Variants in LRIT3 observed in about 807,000 individuals in gnomAD.
LRIT3 encodes leucine-rich repeat, immunoglobulin-like domain and transmembrane domain-containing protein 3.
Under a neutral mutation model 22.6 loss-of-function variants are expected in LRIT3, and 14 were observed. The ratio of observed to expected loss-of-function variants is 0.62; its 90% confidence interval spans 0.41 to 0.97. LRIT3 has a LOEUF of 0.97. Among genes scored for constraint, LRIT3 ranks in the 50% least tolerant of loss-of-function variants. The probability of loss-of-function intolerance (pLI) is 0.00; values close to 1 mark genes in which losing one functional copy is unlikely to be tolerated. For synonymous variants in LRIT3, 306 were observed against 304.5 expected (o/e 1.01, Z -0.05); for missense variants, 783 against 803.0 (o/e 0.98, Z 0.30).
intron 2 of LRIT3, among the ~76,000 whole-genome samples, chr4:109,857,458 G>A (rs1211046627): frequency 6.6e-6 from 1 of 152,138 alleles, no homozygotes; most frequent in Non-Finnish European, 1.5e-5. Flanking sequence ...AGGTGACAAG[G>A]TGGATTTACT....
At chr4:109,865,851 G>A (rs535555025) in intron 2 of LRIT3, among the ~76,000 whole-genome samples, 303 of 152,212 alleles carry the variant, frequency 2.0e-3, no homozygotes, top group Non-Finnish European at 3.4e-3. Context: ...CAGCCCAGAC[G>A]TTAGGTTCCA....
At chr4:109,848,342 G>A (rs1734127952) in intron 1 of LRIT3, 25 bp downstream of exon 1, 1 of 1,177,742 alleles carries the variant, frequency 8.5e-7, no homozygotes, top group East Asian at 3.2e-5. Context: ...TTGTTACTAA[G>A]TGTTCTCATT....
chr4:109,854,804 C>T (rs1191170079), intron 2 of LRIT3, among the ~76,000 whole-genome samples: 1 of 152,146 alleles, frequency 6.6e-6, no homozygotes, highest in East Asian at 1.9e-4. Flanking sequence ...TTATAGAAGG[C>T]CTTTTCTGCG....
chr4:109,849,944 A>G (rs988997946), intron 1 of LRIT3, among the ~76,000 whole-genome samples: 2 of 152,242 alleles, frequency 1.3e-5, no homozygotes, highest in African/African-American at 4.8e-5. Context: ...AACTGCTACC[A>G]TTCTGGTATA....
At position 109,870,004 on chromosome 4, in the gene LRIT3, A is replaced by G. The variant is rs1262515075; in HGVS notation, c.1255A>G (p.Thr419Ala). Reference protein sequence around the residue: ...SFSLSPFSSSTVSSTTTLSTS... With the variant: ...SFSLSPFSSSAVSSTTTLSTS... ...CTCTTTATCTCCTTTCTCCTCCTCCACTGTTTCTTCAACCACAACTCTGAG... is the reference window on the plus strand; with the variant it reads ...CTCTTTATCTCCTTTCTCCTCCTCCGCTGTTTCTTCAACCACAACTCTGAG... The change falls in exon 4 of 4, where the codon ACT (threonine) becomes GCT (alanine). Residue 419 changes from threonine to alanine, a missense_variant. Transcript: ENST00000594814. The G allele has an allele frequency of 6.2e-7, 1 of 1,613,484 alleles. No individual in the cohort carries two copies. The highest frequency in any genetic ancestry group is 1.1e-5 in the South Asian group (1 of 91,054).
intron 2 of LRIT3, among the ~76,000 whole-genome samples, chr4:109,858,848 A>G (rs1734466784): frequency 6.6e-6 from 1 of 152,196 alleles, no homozygotes; most frequent in Non-Finnish European, 1.5e-5. Flanking sequence ...TATGTTTAAT[A>G]TGCCACTGAT....
chr4:109,864,514 G>A (rs1285795751), intron 2 of LRIT3, among the ~76,000 whole-genome samples: 3 of 152,172 alleles, frequency 2.0e-5, no homozygotes, highest in Non-Finnish European at 2.9e-5. Context: ...CCAACTGATA[G>A]CAACATTTTT....
chr4:109,850,756 C>T (rs1243058645), intron 1 of LRIT3, among the ~76,000 whole-genome samples: 1 of 151,954 alleles, frequency 6.6e-6, no homozygotes, highest in Non-Finnish European at 1.5e-5. Context: ...GGATTACAGC[C>T]ATGAGCCACA....
At chr4:109,853,216 C>T (rs1479666704) in intron 2 of LRIT3, among the ~76,000 whole-genome samples, 2 of 152,144 alleles carry the variant, frequency 1.3e-5, no homozygotes, top group Non-Finnish European at 2.9e-5. Flanking sequence ...AAAAACGTTC[C>T]TATTTCTCCA....
Position 109,870,979 on chromosome 4 carries a change from C to A in LRIT3, c.*190C>A. 1 of 503,942 alleles carries A rather than the reference C, an allele frequency of 2.0e-6. No homozygotes were observed. The highest frequency in any genetic ancestry group is 3.2e-6 in the Non-Finnish European group (1 of 310,422). The allele number at this position is 503,942 out of a possible 1,614,324, so 31.2% of individuals were successfully genotyped here. ...AAGACAAATAATGTTGATTTTTTTT[C>A]TTGTGTGGAAAAGGTCTACAGAAAT... On this transcript the variant is annotated 3_prime_UTR_variant, in exon 4 of 4. Transcript: ENST00000594814.
At chr4:109,859,638 C>T (rs984161902) in intron 2 of LRIT3, among the ~76,000 whole-genome samples, 2 of 152,142 alleles carry the variant, frequency 1.3e-5, no homozygotes, top group African/African-American at 4.8e-5. Context: ...CTATCTTATG[C>T]ATATGGACAG....
intron 2 of LRIT3, among the ~76,000 whole-genome samples, chr4:109,857,782 G>T (rs1734438662): frequency 6.6e-6 from 1 of 152,170 alleles, no homozygotes; most frequent in Non-Finnish European, 1.5e-5. Flanking sequence ...AAATAACACA[G>T]TTCCTTCTGA....
At position 109,848,321 on chromosome 4, in the gene LRIT3, T is replaced by C. The variant is rs1560588142; in HGVS notation, c.116+4T>C. On this transcript the variant is annotated splice_donor_region_variant and intron_variant, in intron 1 of 3. Coordinates refer to ENST00000594814, the MANE Select transcript of LRIT3 (RefSeq NM_198506.5). ...GAAATGACGGCTCAGGATCAAGGTA[T>C]GCTCCTCTGCTTGTTACTAAGTGTT... The C allele has an allele frequency of 3.2e-5, 39 of 1,219,272 alleles. No homozygotes were observed. The highest frequency in any genetic ancestry group is 3.8e-5 in the Non-Finnish European group (37 of 976,420). The allele number at this position is 1,219,272 out of a possible 1,614,324, so 75.5% of individuals were successfully genotyped here. A position where few individuals can be genotyped will look rare whatever the true frequency, so the allele number is the denominator to read the frequency against.
chr4:109,857,326 G>T (rs187067735), intron 2 of LRIT3, among the ~76,000 whole-genome samples: 1 of 149,712 alleles, frequency 6.7e-6, no homozygotes, highest in South Asian at 2.1e-4. Context: ...AGCAACAGGG[G>T]GGTATAAGTC....
At position 109,867,660 on chromosome 4, in the gene LRIT3, G is replaced by C. The variant is rs1357114308; in HGVS notation, c.609G>C (p.Trp203Cys). 2 of 1,613,792 alleles carry C rather than the reference G, an allele frequency of 1.2e-6. No homozygotes were observed. Among genetic ancestry groups the C allele is most frequent in the Non-Finnish European group, 1.7e-6 (2 of 1,179,878 alleles). The change falls in exon 3 of 4, where the codon TGG (tryptophan) becomes TGC (cysteine). Residue 203 changes from tryptophan (W) to cysteine (C), a missense_variant. Transcript: ENST00000594814. ...TTTTAGGTCTACAGGACAATCCTTG[G>C]TTCTGTGACTGTCATATTTCCAAAA... is the stretch of plus-strand genomic sequence containing the variant. ...RIILGLQDNP[W>C]FCDCHISKMI... is the part of the protein sequence containing the mutation.
intron 2 of LRIT3, among the ~76,000 whole-genome samples, chr4:109,857,321 CA>C (rs1734427651): frequency 1.3e-5 from 2 of 149,482 alleles, no homozygotes; most frequent in Non-Finnish European, 3.0e-5. Flanking sequence ...ACATTAGCAA[CA>C]GGGGGGTATA....
chr4:109,859,736 A>C (rs1466507834), intron 2 of LRIT3, among the ~76,000 whole-genome samples: 1 of 152,138 alleles, frequency 6.6e-6, no homozygotes, highest in Non-Finnish European at 1.5e-5. Flanking sequence ...TGGGATAGGA[A>C]TCTTAGTGAT....
chr4:109,851,702 G>A lies in LRIT3; in HGVS notation c.315G>A (p.Lys105=). Residue 105 remains lysine, a synonymous_variant, in exon 2 of 4, where the codon AAG becomes AAA. Coordinates refer to ENST00000594814, the MANE Select transcript of LRIT3 (RefSeq NM_198506.5). ...SIDPSSFYNL[K]QLHELRLDGN... ...ACCCCAGCAGCTTTTACAACCTGAA[G>A]CAACTGCATGAGTTGCGCTTGGATG... 1.3e-6 allele frequency: 2 copies of A among 1,551,704 alleles called. No individual in the cohort carries two copies. The highest frequency in any genetic ancestry group is 1.7e-6 in the Non-Finnish European group (2 of 1,146,990).
chr4:109,859,188 G>T (rs1243972585), intron 2 of LRIT3, among the ~76,000 whole-genome samples: 1 of 152,030 alleles, frequency 6.6e-6, no homozygotes, highest in Non-Finnish European at 1.5e-5. Flanking sequence ...GATCCAGGGG[G>T]GTCACCACCT....
Sources: gnomAD v4.1 joint callset for allele counts (sites outside exome capture counted in the v4.1 genomes callset) on GRCh38, gnomAD v4.1.1 for gene constraint, MANE v1.5 for transcripts, NCBI Gene and HGNC (gene_info 2026-07-23, HGNC 2026-07-21) for gene names.